Variants in ADGRL2 observed in about 807,000 individuals in gnomAD.
ADGRL2 encodes adhesion G protein-coupled receptor L2.
ADGRL2 carries 44 observed loss-of-function variants against 157.4 expected under a neutral mutation model. The ratio of observed to expected loss-of-function variants is 0.28; its 90% confidence interval spans 0.22 to 0.36. The LOEUF is 0.36. Ranked by LOEUF, ADGRL2 falls within the 10% of genes least tolerant of loss-of-function variation. ADGRL2 has a pLI of 1.00. For missense variants in ADGRL2, 1,510 were observed against 1,768.9 expected (o/e 0.85, Z 2.63); for synonymous variants, 585 against 624.7 (o/e 0.94, Z 0.95).
At chr1:81,910,679 C>T (rs1470099173) in intron 3 of ADGRL2, among the ~76,000 whole-genome samples, 2 of 146,308 alleles carry the variant, frequency 1.4e-5, no homozygotes, top group African/African-American at 2.5e-5. Flanking sequence ...TTAGAATTTT[C>T]CTATATGTAA....
Position 81,809,003 on chromosome 1 carries a change from G to T in ADGRL2, c.-101+7935G>T, listed in dbSNP as rs150747158. On this transcript the variant is annotated intron_variant, in intron 1 of 23. Coordinates refer to ENST00000686636, the MANE Select transcript of ADGRL2 (RefSeq NM_001366006.2). ...GTTTAAATCAGATTTCTGCCTGAGGGTAAAGTTTAGGTCTGTTTTAGCCCA... is the reference window on the plus strand; with the variant it reads ...GTTTAAATCAGATTTCTGCCTGAGGTTAAAGTTTAGGTCTGTTTTAGCCCA... Among the ~76,000 whole-genome samples, 41 of 152,154 alleles carry T rather than the reference G, an allele frequency of 2.7e-4. No homozygotes were observed. The East Asian group carries it at 7.9e-3, about 29-fold the overall frequency.
intron 2 of ADGRL2, among the ~76,000 whole-genome samples, chr1:81,774,397 A>G (rs1353695): frequency 0.65 from 98,698 of 152,056 alleles, 32,781 homozygotes; most frequent in East Asian, 0.97. Flanking sequence ...TGAGAGCAAC[A>G]TGTGCTTTGC....
chr1:81,507,973 T>C (rs2079008961), intron 2 of ADGRL2, among the ~76,000 whole-genome samples: 1 of 152,246 alleles, frequency 6.6e-6, no homozygotes, highest in Non-Finnish European at 1.5e-5. Context: ...CATTTCTTTT[T>C]TCTTTCCTTT....
chr1:81,566,218 A>G (rs748147831), intron 2 of ADGRL2, among the ~76,000 whole-genome samples: 1 of 152,156 alleles, frequency 6.6e-6, no homozygotes, highest in Non-Finnish European at 1.5e-5. Flanking sequence ...GGTTCCTGCA[A>G]ACATGTATTG....
intron 1 of ADGRL2, among the ~76,000 whole-genome samples, chr1:81,827,284 G>C (rs891632798): frequency 1.3e-5 from 2 of 152,114 alleles, no homozygotes; most frequent in African/African-American, 2.4e-5. Context: ...TATTTCATAT[G>C]GATAAGTAGC....
chr1:81,731,836 C>T (rs1205792531), intron 1 of ADGRL2, among the ~76,000 whole-genome samples: 1 of 152,144 alleles, frequency 6.6e-6, no homozygotes, highest in Admixed American at 6.6e-5. Context: ...TTGATCAACT[C>T]CTGTGCTCCT....
intron 2 of ADGRL2, among the ~76,000 whole-genome samples, chr1:81,534,369 C>G (rs1469321813): frequency 1.3e-5 from 2 of 152,128 alleles, no homozygotes; most frequent in African/African-American, 2.4e-5. Context: ...ACCATGTTGG[C>G]CAGACTGGCC....
intron 1 of ADGRL2, among the ~76,000 whole-genome samples, chr1:81,826,967 T>C (rs2091540723): frequency 6.6e-6 from 1 of 152,212 alleles, no homozygotes; most frequent in Non-Finnish European, 1.5e-5. Flanking sequence ...AAAATGTTAC[T>C]TTTACGAATG....
intron 2 of ADGRL2, among the ~76,000 whole-genome samples, chr1:81,841,393 G>A (rs967765844): frequency 3.3e-5 from 5 of 152,106 alleles, no homozygotes; most frequent in Non-Finnish European, 7.4e-5. Context: ...AAAAGTGTGT[G>A]TCTGTAGGGT....
chr1:81,854,467 G>T (rs920071018), intron 2 of ADGRL2, among the ~76,000 whole-genome samples: 1 of 152,132 alleles, frequency 6.6e-6, no homozygotes, highest in Non-Finnish European at 1.5e-5. Flanking sequence ...TCAGCTATGT[G>T]AACCTGTACA....
intron 2 of ADGRL2, among the ~76,000 whole-genome samples, chr1:81,461,281 C>T (rs1274284330): frequency 4.1e-5 from 6 of 147,882 alleles, no homozygotes; most frequent in Middle Eastern, 3.2e-3. Context: ...CTTTTCTTTT[C>T]TTTTTTTTTT....
chr1:81,464,563 C>A (rs1036877053), intron 2 of ADGRL2, among the ~76,000 whole-genome samples: 5 of 152,096 alleles, frequency 3.3e-5, no homozygotes, highest in Admixed American at 1.3e-4. Context: ...CTCTGTTCTT[C>A]CTTTGTCTAG....
At chr1:81,829,697 G>A (rs181976220) in intron 1 of ADGRL2, among the ~76,000 whole-genome samples, 114 of 152,300 alleles carry the variant, frequency 7.5e-4, no homozygotes, top group Non-Finnish European at 1.3e-3. Context: ...TTTGATAGAA[G>A]AGACAAGTCC....
intron 2 of ADGRL2, among the ~76,000 whole-genome samples, chr1:81,849,368 C>T (rs540717822): frequency 6.6e-6 from 1 of 151,924 alleles, no homozygotes; most frequent in East Asian, 1.9e-4. Flanking sequence ...AATAAAACCC[C>T]GTAACCATTT....
At chr1:81,610,859 G>A (rs377142405) in intron 3 of ADGRL2, among the ~76,000 whole-genome samples, 10 of 152,184 alleles carry the variant, frequency 6.6e-5, no homozygotes, top group East Asian at 1.9e-4. Context: ...TTGAGTTTCC[G>A]CAGCTAGATT....
At chr1:81,831,294 TA>T (rs2091927277) in intron 1 of ADGRL2, among the ~76,000 whole-genome samples, 1 of 152,204 alleles carries the variant, frequency 6.6e-6, no homozygotes, top group Non-Finnish European at 1.5e-5. Flanking sequence ...TTTAGTAATA[TA>T]AATGAGTAAA....
intron 1 of ADGRL2, among the ~76,000 whole-genome samples, chr1:81,731,786 G>A (rs770702256): frequency 2.0e-5 from 3 of 151,958 alleles, no homozygotes; most frequent in Admixed American, 6.6e-5. Context: ...TGCACTTTGC[G>A]GTTTGTTAAT....
chr1:81,442,015 A>G lies in ADGRL2; in HGVS notation c.-301-3021A>G, dbSNP rs183514609. On this transcript the variant is annotated intron_variant, in intron 1 of 24. Transcript: ENST00000370721. ...TGCCTGGTTAATTTTTACAATTTTT[A>G]TAGAGGCAGAGTCTCACTATGTTCC... Among the ~76,000 whole-genome samples the G allele has an allele frequency of 2.1e-4, 32 of 152,144 alleles. No individual in the cohort carries two copies. In the East Asian group the frequency reaches 4.7e-3, roughly 22 times the overall value.
chr1:81,407,190 G>A (rs11163279), intron 1 of ADGRL2, among the ~76,000 whole-genome samples: 145,227 of 152,266 alleles, frequency 0.95, 69,459 homozygotes, highest in Non-Finnish European at 0.99. Context: ...GACATGTGGA[G>A]ATATTTGTAA....
Sources: allele counts gnomAD v4.1 joint callset (sites outside exome capture counted in the v4.1 genomes callset), GRCh38; gene constraint gnomAD v4.1.1; transcripts MANE v1.5; gene names NCBI Gene and HGNC (gene_info 2026-07-23, HGNC 2026-07-21).